Variants in GRIN2A observed in about 807,000 individuals in gnomAD.
GRIN2A encodes the protein glutamate receptor ionotropic, NMDA 2A.
Under a neutral mutation model 113.4 loss-of-function variants are expected in GRIN2A, and 22 were observed. The ratio of observed to expected loss-of-function variants is 0.19; its 90% CI spans 0.14 to 0.28. The LOEUF is 0.28. GRIN2A is among the 10% of genes least tolerant of loss of function. The pLI, the probability that GRIN2A is intolerant of heterozygous loss-of-function variation, is 1.00. For synonymous variants in GRIN2A, 827 were observed against 738.4 expected (o/e 1.12, Z -1.94); for missense variants, 1,502 against 1,887.0 (o/e 0.80, Z 3.78).
At chr16:9,920,814 A>G (rs371192546) in intron 3 of GRIN2A, among the ~76,000 whole-genome samples, 4 of 152,046 alleles carry the variant, frequency 2.6e-5, no homozygotes, top group Non-Finnish European at 4.4e-5. Flanking sequence ...CGGCCTCCCA[A>G]ACTTTTAAAA....
chr16:9,845,585 T>G (rs1293009442), intron 5 of GRIN2A, among the ~76,000 whole-genome samples: 1 of 152,130 alleles, frequency 6.6e-6, no homozygotes, highest in Admixed American at 6.6e-5. Context: ...CCCTCCATCC[T>G]CCTTGTAACT....
chr16:9,759,627 C>T lies in GRIN2A; in HGVS notation c.*3522G>A, dbSNP rs975650879. 4.3e-6 allele frequency: 1 copy of T among 230,040 alleles called. No individual in the cohort carries two copies. Among genetic ancestry groups the T allele is most frequent in the African/African-American group, 2.2e-5 (1 of 45,158 alleles). The allele number at this position is 230,040 out of a possible 1,614,324, so 14.2% of individuals were successfully genotyped here. A position where few individuals can be genotyped will look rare whatever the true frequency, so the allele number is the denominator to read the frequency against. ...AAAACTAAATACTCAGACTCTCTGG[C>T]ATCCTGTGAATCAGGGAAGAGAAAA... On this transcript the variant is annotated 3_prime_UTR_variant, in exon 13 of 13. Coordinates refer to ENST00000330684, the MANE Select transcript of GRIN2A (RefSeq NM_001134407.3).
At chr16:10,136,510 T>C (rs1355525488) in intron 2 of GRIN2A, among the ~76,000 whole-genome samples, 2 of 152,182 alleles carry the variant, frequency 1.3e-5, no homozygotes. Flanking sequence ...CTGTTATCCA[T>C]GGTGTTAAAC....
intron 11 of GRIN2A, among the ~76,000 whole-genome samples, chr16:9,781,062 A>G (rs1901909524): frequency 1.3e-5 from 2 of 149,914 alleles, no homozygotes; most frequent in Admixed American, 1.3e-4. Flanking sequence ...TACGGTCTCT[A>G]TCACAACTAC....
chr16:9,800,368 T>C (rs1386282347), intron 10 of GRIN2A, among the ~76,000 whole-genome samples: 1 of 152,148 alleles, frequency 6.6e-6, no homozygotes, highest in African/African-American at 2.4e-5. Context: ...GTCTCAACTC[T>C]AAAATGGGTA....
At chr16:10,150,271 A>T (rs1702352605) in intron 2 of GRIN2A, among the ~76,000 whole-genome samples, 1 of 152,176 alleles carries the variant, frequency 6.6e-6, no homozygotes, top group Non-Finnish European at 1.5e-5. Flanking sequence ...CTCAGTTGAG[A>T]GACTGACCAA....
intron 2 of GRIN2A, among the ~76,000 whole-genome samples, chr16:10,051,642 C>G (rs2047362463): frequency 6.6e-6 from 1 of 152,180 alleles, no homozygotes. Flanking sequence ...TTGCCGAATT[C>G]ACACAACTTG....
chr16:10,128,013 C>T (rs2048981566), intron 2 of GRIN2A, among the ~76,000 whole-genome samples: 1 of 152,102 alleles, frequency 6.6e-6, no homozygotes, highest in African/African-American at 2.4e-5. Flanking sequence ...AAGCCAAGGT[C>T]ACCCATATAA....
intron 2 of GRIN2A, among the ~76,000 whole-genome samples, chr16:10,048,738 C>T (rs566891573): frequency 5.7e-5 from 8 of 140,570 alleles, no homozygotes; most frequent in African/African-American, 1.9e-4. Context: ...TAATACCCCA[C>T]ACTTGGCCTC....
intron 2 of GRIN2A, among the ~76,000 whole-genome samples, chr16:10,135,594 T>TA (rs1401828397): frequency 1.3e-5 from 2 of 152,156 alleles, no homozygotes; most frequent in Admixed American, 1.3e-4. Context: ...AGGGTTCAAT[T>TA]AAAGGAACAG....
chr16:9,986,036 C>T (rs2045974494), intron 2 of GRIN2A, among the ~76,000 whole-genome samples: 1 of 151,822 alleles, frequency 6.6e-6, no homozygotes, highest in African/African-American at 2.4e-5. Context: ...TATATAAATT[C>T]ATAGGTACAA....
intron 2 of GRIN2A, among the ~76,000 whole-genome samples, chr16:9,961,859 G>A (rs553723472): frequency 9.2e-5 from 14 of 152,184 alleles, no homozygotes; most frequent in Admixed American, 2.0e-4. Context: ...GAGGCATCAC[G>A]CTACCTGACT....
intron 6 of GRIN2A, 39 bp from the exon 7 acceptor site, chr16:9,840,839 A>C: frequency 6.8e-7 from 1 of 1,464,372 alleles, no homozygotes; most frequent in Non-Finnish European, 9.5e-7. Flanking sequence ...AAAAAGAGAG[A>C]GAGAGAACAA....
intron 4 of GRIN2A, among the ~76,000 whole-genome samples, chr16:9,855,309 T>TTAC (rs1442205416): frequency 6.6e-6 from 1 of 152,222 alleles, no homozygotes; most frequent in Non-Finnish European, 1.5e-5. Context: ...GTTATGAGGC[T>TTAC]TACTTATAAG....
At chr16:9,923,501 C>A (rs1220092842) in intron 3 of GRIN2A, among the ~76,000 whole-genome samples, 1 of 151,762 alleles carries the variant, frequency 6.6e-6, no homozygotes, top group African/African-American at 2.4e-5. Flanking sequence ...TTCTACTTAC[C>A]TTCTTTTGAT....
At chr16:9,965,586 C>T (rs1255180274) in intron 2 of GRIN2A, among the ~76,000 whole-genome samples, 2 of 152,174 alleles carry the variant, frequency 1.3e-5, no homozygotes, top group Non-Finnish European at 2.9e-5. Context: ...TGGCAGGCTC[C>T]ATGAGAGCAA....
At chr16:10,134,559 G>A (rs1292022480) in intron 2 of GRIN2A, among the ~76,000 whole-genome samples, 1 of 152,012 alleles carries the variant, frequency 6.6e-6, no homozygotes, top group Non-Finnish European at 1.5e-5. Context: ...CAAACCAACA[G>A]GGGACATGTA....
intron 3 of GRIN2A, among the ~76,000 whole-genome samples, chr16:9,903,881 A>C (rs1195200952): frequency 1.3e-5 from 2 of 152,250 alleles, no homozygotes; most frequent in Non-Finnish European, 2.9e-5. Context: ...TGAAGCTGAT[A>C]TGAAGGGTGC....
intron 2 of GRIN2A, among the ~76,000 whole-genome samples, chr16:10,146,886 C>T (rs1596552347): frequency 1.3e-5 from 2 of 152,010 alleles, no homozygotes; most frequent in African/African-American, 2.4e-5. Flanking sequence ...GTCCAGAAGC[C>T]GCATGAGAAA....
Sources: gnomAD v4.1 joint callset for allele counts (sites outside exome capture counted in the v4.1 genomes callset) on GRCh38, gnomAD v4.1.1 for gene constraint, MANE v1.5 for transcripts, NCBI Gene and HGNC (gene_info 2026-07-23, HGNC 2026-07-21) for gene names.